Variants in BCL2 observed in about 807,000 individuals in gnomAD.
BCL2 encodes BCL2 apoptosis regulator.
Under a neutral mutation model 14.2 loss-of-function variants are expected in BCL2, and 1 was observed. The observed-to-expected ratio is 0.07, with a 90% CI of 0.02 to 0.33. The LOEUF is 0.33. BCL2 is among the 10% of genes least tolerant of loss of function. BCL2 has a pLI of 0.99. For synonymous variants in BCL2, 151 were observed against 137.2 expected, an observed-to-expected ratio of 1.10 and a Z score of -0.70; for missense variants, 247 against 305.9, an observed-to-expected ratio of 0.81 and a Z score of 1.44.
At chr18:63,250,091 T>C (rs1282184683) in intron 2 of BCL2, among the ~76,000 whole-genome samples, 1 of 152,124 alleles carries the variant, frequency 6.6e-6, no homozygotes, top group Admixed American at 6.5e-5. Context: ...ACAGTTTGAC[T>C]CCAAAACATA....
At chr18:63,194,702 T>C (rs1909395457) in intron 2 of BCL2, among the ~76,000 whole-genome samples, 1 of 152,156 alleles carries the variant, frequency 6.6e-6, no homozygotes, top group Non-Finnish European at 1.5e-5. Flanking sequence ...TGTTACAAAA[T>C]AATTAAGTAT....
Position 63,318,016 on chromosome 18 carries a change from G to C in BCL2, c.585+66C>G, listed in dbSNP as rs2144320586. Reference sequence around the variant, plus strand: ...CTCCCATTGCCCCAGGAGCCCACCCGCACTCCAACCCCCGCATCTCGGACC... The same window carrying C: ...CTCCCATTGCCCCAGGAGCCCACCCCCACTCCAACCCCCGCATCTCGGACC... On this transcript the variant is annotated intron_variant, in intron 2 of 2. Transcript: ENST00000333681. The surrounding 1 kb of genome is among the most constrained non-coding windows in gnomAD (Gnocchi z 7.4). 6.4e-7 allele frequency: 1 copy of C among 1,568,454 alleles called. No individual in the cohort carries two copies. Among genetic ancestry groups the C allele is most frequent in the Non-Finnish European group, 8.7e-7 (1 of 1,153,144 alleles).
intron 2 of BCL2, among the ~76,000 whole-genome samples, chr18:63,153,333 A>G (rs8099575): frequency 0.092 from 14,029 of 152,228 alleles, 1,334 homozygotes; most frequent in African/African-American, 0.23. Context: ...CAGCAAAGGC[A>G]CTAAAATTCA....
At chr18:63,205,529 T>C (rs752827772) in intron 2 of BCL2, among the ~76,000 whole-genome samples, 1 of 152,194 alleles carries the variant, frequency 6.6e-6, no homozygotes, top group South Asian at 2.1e-4. Flanking sequence ...ACACACCATC[T>C]TTCAGGAAAA....
At chr18:63,289,601 G>A (rs889269360) in intron 2 of BCL2, among the ~76,000 whole-genome samples, 1 of 151,978 alleles carries the variant, frequency 6.6e-6, no homozygotes, top group African/African-American at 2.4e-5. Context: ...AGGAAAAGAG[G>A]AGCCTTAAAA....
intron 2 of BCL2, among the ~76,000 whole-genome samples, chr18:63,294,084 C>T (rs1015900490): frequency 2.0e-5 from 3 of 152,116 alleles, no homozygotes; most frequent in Non-Finnish European, 4.4e-5. Context: ...TTTGTGATCA[C>T]AGAGAATGCA....
chr18:63,261,451 T>A (rs1019789932), intron 2 of BCL2, among the ~76,000 whole-genome samples: 1 of 152,090 alleles, frequency 6.6e-6, no homozygotes, highest in African/African-American at 2.4e-5. Flanking sequence ...AAGAAATAGA[T>A]CTCTGACCCA....
intron 2 of BCL2, among the ~76,000 whole-genome samples, chr18:63,306,606 T>C (rs555164873): frequency 1.3e-5 from 2 of 152,196 alleles, no homozygotes; most frequent in Non-Finnish European, 2.9e-5. Flanking sequence ...CTTCACTACA[T>C]TGATTCCTGC....
chr18:63,239,054 C>T (rs1455921449), intron 2 of BCL2, among the ~76,000 whole-genome samples: 1 of 152,182 alleles, frequency 6.6e-6, no homozygotes, highest in South Asian at 2.1e-4. Flanking sequence ...CTTCCTATAA[C>T]ATTTAAATTA....
chr18:63,204,855 CA>C (rs899965377), intron 2 of BCL2, among the ~76,000 whole-genome samples: 10 of 152,096 alleles, frequency 6.6e-5, no homozygotes, highest in Non-Finnish European at 7.4e-5. Context: ...GTTAAATTAA[CA>C]GGGCAAACAG....
At chr18:63,288,584 C>T (rs1370769122) in intron 2 of BCL2, among the ~76,000 whole-genome samples, 1 of 152,174 alleles carries the variant, frequency 6.6e-6, no homozygotes, top group African/African-American at 2.4e-5. Context: ...GGGCTGAAAT[C>T]AAGGAGTCTT....
rs140281249 is a variant in BCL2, at chr18:63,137,253, T to G, written c.586-8494A>C. ...AAGCAACTTTCTCCAAATCCCTAGG[T>G]TGAGCTAAATAATCCTCGGCTGTTC... On this transcript the variant is annotated intron_variant, in intron 2 of 2. Transcript: ENST00000333681. Among the ~76,000 whole-genome samples, 276 of 152,318 alleles carry G rather than the reference T, an allele frequency of 1.8e-3. 1 individual carries two copies. Among genetic ancestry groups the G allele is most frequent in the African/African-American group, 6.3e-3 (261 of 41,574 alleles).
intron 2 of BCL2, among the ~76,000 whole-genome samples, chr18:63,300,619 A>G (rs985576746): frequency 3.3e-5 from 5 of 152,130 alleles, no homozygotes; most frequent in Admixed American, 6.5e-5. Flanking sequence ...TTTGGAATGG[A>G]GATATTTCTG....
intron 2 of BCL2, among the ~76,000 whole-genome samples, chr18:63,206,413 G>A (rs182545481): frequency 1.3e-5 from 2 of 152,330 alleles, no homozygotes; most frequent in East Asian, 1.9e-4. Context: ...CATCATCTTC[G>A]CTTCTCTTTC....
At chr18:63,277,646 G>T (rs567453565) in intron 2 of BCL2, among the ~76,000 whole-genome samples, 57 of 146,232 alleles carry the variant, frequency 3.9e-4, no homozygotes, top group Admixed American at 1.7e-3. Context: ...ACATACAAAA[G>T]TCTGGTCCTA....
In BCL2 at chr18:63,126,704, G is replaced by A. The variant is rs1913919717; in HGVS notation, c.*1921C>T. 8.9e-6 allele frequency: 2 copies of A among 225,722 alleles called. No homozygotes were observed. Among genetic ancestry groups the A allele is most frequent in the African/African-American group, 4.5e-5 (2 of 44,918 alleles). 14.0% of individuals were successfully genotyped at this position (225,722 alleles called of 1,614,324 possible). A position where few individuals can be genotyped will look rare whatever the true frequency, so the allele number is the denominator to read the frequency against. On this transcript the variant is annotated 3_prime_UTR_variant, in exon 3 of 3. Coordinates refer to ENST00000333681, the MANE Select transcript of BCL2 (RefSeq NM_000633.3). ...CTCACCTTCTCAGAATGCTTTTGAAGAATCAAGAGATAAAAATCTCAAACA... is the reference window on the plus strand; with the variant it reads ...CTCACCTTCTCAGAATGCTTTTGAAAAATCAAGAGATAAAAATCTCAAACA...
intron 2 of BCL2, among the ~76,000 whole-genome samples, chr18:63,211,427 C>T (rs957095890): frequency 2.0e-5 from 3 of 152,184 alleles, no homozygotes; most frequent in Admixed American, 6.5e-5. Context: ...TGTTTTCTCT[C>T]GACTCAAATC....
At chr18:63,192,238 C>T (rs1909308901) in intron 2 of BCL2, among the ~76,000 whole-genome samples, 1 of 152,078 alleles carries the variant, frequency 6.6e-6, no homozygotes, top group Non-Finnish European at 1.5e-5. Flanking sequence ...AGGAGCCAGC[C>T]CTGGGAAAGT....
intron 2 of BCL2, among the ~76,000 whole-genome samples, chr18:63,283,017 T>C (rs1359538755): frequency 6.6e-6 from 1 of 152,260 alleles, no homozygotes; most frequent in Non-Finnish European, 1.5e-5. Context: ...AATGGGCTTC[T>C]TTCTGAGAAA....
Sources: gnomAD v4.1 joint callset for allele counts (sites outside exome capture counted in the v4.1 genomes callset) on GRCh38, gnomAD v4.1.1 for gene constraint, Gnocchi (gnomAD v3.1) non-coding constraint, MANE v1.5 for transcripts, NCBI Gene and HGNC (gene_info 2026-07-23, HGNC 2026-07-21) for gene names.